The following WNK2 variants were observed in gnomAD, a reference collection of about 807,000 sequenced individuals.
WNK2 encodes the protein WNK lysine deficient protein kinase 2.
A neutral mutation model predicts 192.1 loss-of-function variants in WNK2; 67 were observed. That is an observed-to-expected ratio of 0.35 (90% CI 0.29 to 0.43). WNK2 has a LOEUF of 0.43. Among genes scored for constraint, WNK2 ranks in the 20% least tolerant of loss-of-function variants. The probability of loss-of-function intolerance (pLI) is 1.00; values close to 1 mark genes in which losing one functional copy is unlikely to be tolerated. For synonymous variants in WNK2, 1,439 were observed against 1,393.9 expected (o/e 1.03, Z -0.72); for missense variants, 2,698 against 3,089.7 (o/e 0.87, Z 3.01).
intron 2 of WNK2, among the ~76,000 whole-genome samples, chr9:93,199,772 A>G (rs549940857): frequency 6.6e-6 from 1 of 152,058 alleles, no homozygotes; most frequent in African/African-American, 2.4e-5. Flanking sequence ...GGTGGCAAGC[A>G]CCTGTAGTCC....
intron 7 of WNK2, among the ~76,000 whole-genome samples, chr9:93,240,293 C>T (rs566560139): frequency 6.6e-6 from 1 of 152,302 alleles, no homozygotes; most frequent in South Asian, 2.1e-4. Context: ...TCTGACTTGT[C>T]AGAAAGGCCT....
At chr9:93,193,503 C>T (rs1830706323) in intron 2 of WNK2, among the ~76,000 whole-genome samples, 1 of 152,232 alleles carries the variant, frequency 6.6e-6, no homozygotes, top group African/African-American at 2.4e-5. Flanking sequence ...CTGCCTGTCT[C>T]CCCGCCCGGG....
chr9:93,275,060 TA>T (rs370798228), intron 19 of WNK2, among the ~76,000 whole-genome samples: 3 of 152,138 alleles, frequency 2.0e-5, no homozygotes, highest in Admixed American at 6.5e-5. Flanking sequence ...AGCACTATAT[TA>T]AAAGGACAGT....
At position 93,289,372 on chromosome 9, in the gene WNK2, C is replaced by T; in HGVS notation, c.4618C>T (p.Pro1540Ser). Residue 1540 changes from proline (P) to serine (S), a missense_variant, in exon 20 of 30, where the codon CCC (proline) becomes TCC (serine). Pro to Ser is a moderately conservative substitution (Grantham distance 74, BLOSUM62 -1). This residue lies in a region of WNK2 where 1,098 missense variants were observed against 1,101.0 expected (regional missense o/e 1.00). Coordinates refer to ENST00000427277, the MANE Select transcript of WNK2 (RefSeq NM_006648.4). ...ALESDGEGPP[P>S]RVGFVDSTIK... The stretch of plus-strand genomic sequence containing the variant: ...GGAGTCGGATGGGGAAGGGCCGCCC[C>T]CCAGGGTGGGCTTTGTGGACAGCAC... The T allele has an allele frequency of 6.2e-7, 1 of 1,612,174 alleles. No homozygotes were observed. The highest frequency in any genetic ancestry group is 8.5e-7 in the Non-Finnish European group (1 of 1,179,464).
At chr9:93,228,790 T>C (rs561952618) in intron 2 of WNK2, among the ~76,000 whole-genome samples, 2 of 152,106 alleles carry the variant, frequency 1.3e-5, no homozygotes, top group Admixed American at 6.5e-5. Context: ...ATTGAAGTAT[T>C]TGGGGGAAGG....
chr9:93,294,534 T>C (rs1306511521), intron 23 of WNK2, among the ~76,000 whole-genome samples: 5 of 152,046 alleles, frequency 3.3e-5, no homozygotes, highest in Non-Finnish European at 7.4e-5. Context: ...GAGCCAGTGG[T>C]CAGGGTCAGC....
Position 93,261,819 on chromosome 9 carries a change from G to T in WNK2, c.3072G>T (p.Leu1024=). Residue 1024 remains leucine (L), a synonymous_variant, in exon 13 of 30, where the codon CTG becomes CTT. Transcript: ENST00000427277. ...CTTGTCCCCTGTGCCCCCAGATTCTGCTTGGCCACCCAGCTCCCTATGCTG... is the reference window on the plus strand; with the variant it reads ...CTTGTCCCCTGTGCCCCCAGATTCTTCTTGGCCACCCAGCTCCCTATGCTG... ...APAATPGSQI[L]LGHPAPYAVD... is the part of the protein sequence containing the mutation. The T allele has an allele frequency of 6.3e-7, 1 of 1,586,716 alleles. No individual in the cohort carries two copies. Among genetic ancestry groups the T allele is most frequent in the Non-Finnish European group, 8.5e-7 (1 of 1,170,014 alleles).
At position 93,257,687 on chromosome 9, in the gene WNK2, C is replaced by T. The variant is rs1481445110; in HGVS notation, c.2382+548C>T. 6.6e-6 allele frequency among the ~76,000 whole-genome samples: 1 copy of T among 152,216 alleles called. No individual in the cohort carries two copies. The highest frequency in any genetic ancestry group is 2.4e-5 in the African/African-American group (1 of 41,452). ...TTCTTCCTGTGGAGCTCCTCCAGGG[C>T]CGTGTGGCATGTGGCTCCTCGGAGT... On this transcript the variant is annotated intron_variant, in intron 11 of 29. Coordinates refer to ENST00000427277, the MANE Select transcript of WNK2 (RefSeq NM_006648.4). The surrounding 1 kb of genome is among the most constrained non-coding windows in gnomAD (Gnocchi z 4.7).
rs375787610 is a variant in WNK2, at chr9:93,257,006, T to C, written c.2249T>C (p.Val750Ala). 1.4e-5 allele frequency: 23 copies of C among 1,599,848 alleles called. No individual in the cohort carries two copies. Among genetic ancestry groups the C allele is most frequent in the Non-Finnish European group, 2.0e-5 (23 of 1,176,712 alleles). The part of the protein sequence containing the change: ...LPQVLAPQPV[V>A]PLQPVPPHLP... ...CAGGTCCTGGCCCCACAGCCCGTGG[T>C]CCCCCTCCAGCCGGTTCCCCCCCAC... The change falls in exon 11 of 30, where the codon GTC becomes GCC. Residue 750 changes from valine to alanine, a missense_variant. Physicochemically the swap from Val to Ala is moderately conservative, Grantham distance 64 (BLOSUM62 0). This residue lies in a region of WNK2 where 893 missense variants were observed against 909.0 expected (regional missense o/e 0.98). Coordinates refer to ENST00000427277, the MANE Select transcript of WNK2 (RefSeq NM_006648.4). This position sits in a 1 kb window ranked among gnomAD's most constrained non-coding sequence, Gnocchi z 4.7.
At chr9:93,275,446 T>A (rs1846692451) in intron 19 of WNK2, among the ~76,000 whole-genome samples, 1 of 152,094 alleles carries the variant, frequency 6.6e-6, no homozygotes, top group African/African-American at 2.4e-5. Context: ...AGGGTACTTC[T>A]TCAGTCTGAT....
Position 93,256,342 on chromosome 9 carries a change from CG to C in WNK2, c.2079del (p.Ser694ProfsTer11). Reference sequence around the variant, plus strand: ...TCTGTCCCGGCCCCCGCCTGCCCTCCGTCCCTCCAGCAGCACTTCCCGGATC... The same window carrying C: ...TCTGTCCCGGCCCCCGCCTGCCCTCCTCCCTCCAGCAGCACTTCCCGGATC... Reference protein sequence around the residue: ...VGSVPAPACPPSLQQHFPDPA... With the variant: ...VGSVPAPACPXSLQQHFPDPA... On this transcript the variant is annotated frameshift_variant, in exon 10 of 30. Coordinates refer to ENST00000427277, the MANE Select transcript of WNK2 (RefSeq NM_006648.4). LOFTEE classifies it high-confidence loss of function. The C allele has an allele frequency of 6.3e-7, 1 of 1,584,458 alleles. No homozygotes were observed.
intron 2 of WNK2, among the ~76,000 whole-genome samples, chr9:93,213,229 G>A (rs1835107951): frequency 1.3e-5 from 2 of 152,212 alleles, no homozygotes; most frequent in Admixed American, 1.3e-4. Flanking sequence ...AAGCTGGACA[G>A]TTGAGGAGGG....
Position 93,247,860 on chromosome 9 carries a change from A to G in WNK2, c.1834+26A>G. 1 of 1,531,024 alleles carries G rather than the reference A, an allele frequency of 6.5e-7. No homozygotes were observed. 94.8% of individuals were successfully genotyped at this position (1,531,024 alleles called of 1,614,324 possible). A position where few individuals can be genotyped will look rare whatever the true frequency, so the allele number is the denominator to read the frequency against. On this transcript the variant is annotated intron_variant, in intron 8 of 29. Transcript: ENST00000427277. This position sits in a 1 kb window ranked among gnomAD's most constrained non-coding sequence, Gnocchi z 5.2. Reference sequence around the variant, plus strand: ...GTGAGTGCTCAGGGGTGGGATGGCCATGGGCACCCCTCCCACCTACCCTGC... The same window carrying G: ...GTGAGTGCTCAGGGGTGGGATGGCCGTGGGCACCCCTCCCACCTACCCTGC...
At position 93,185,550 on chromosome 9, in the gene WNK2, G is replaced by A; in HGVS notation, c.621G>A (p.Lys207=). 6.2e-7 allele frequency: 1 copy of A among 1,613,104 alleles called. No homozygotes were observed. Among genetic ancestry groups the A allele is most frequent in the East Asian group, 2.2e-5 (1 of 44,850 alleles). ...FDIELGRGSF[K]TVYKGLDTET... ...TCGAGCTGGGCCGCGGTTCCTTCAA[G>A]ACGGTCTACAAGGGGCTGGACACGG... Residue 207 remains lysine, a synonymous_variant, in exon 2 of 30, where the codon AAG becomes AAA. Transcript: ENST00000427277.
intron 12 of WNK2, among the ~76,000 whole-genome samples, chr9:93,261,107 C>T (rs140764259): frequency 1.6e-3 from 239 of 152,248 alleles, no homozygotes; most frequent in Middle Eastern, 6.8e-3. Context: ...GAAGTGGTTA[C>T]CTGCTAGGCT....
intron 29 of WNK2, chr9:93,318,321 G>C: frequency 6.5e-7 from 1 of 1,547,938 alleles, no homozygotes. Context: ...CATTGAATTA[G>C]CTACCTTAAG....
rs532754747 is a variant in WNK2 at position 93,274,360 on chromosome 9, A to T, written c.4033+5614A>T. 9.9e-5 allele frequency among the ~76,000 whole-genome samples: 15 copies of T among 152,172 alleles called. No homozygotes were observed. In the South Asian group the frequency reaches 3.1e-3, roughly 32 times the overall value. On this transcript the variant is annotated intron_variant, in intron 19 of 29. Coordinates refer to ENST00000427277, the MANE Select transcript of WNK2 (RefSeq NM_006648.4). Reference sequence around the variant, plus strand: ...ACCCCGTCTCTACTAAAAGTACAAAAAATTAGCTGGGCATGGTGGCGGGTG... The same window carrying T: ...ACCCCGTCTCTACTAAAAGTACAAATAATTAGCTGGGCATGGTGGCGGGTG...
chr9:93,302,251 G>A (rs1394435205), intron 26 of WNK2, among the ~76,000 whole-genome samples: 1 of 152,242 alleles, frequency 6.6e-6, no homozygotes, highest in Non-Finnish European at 1.5e-5. Flanking sequence ...GACTTGGGCG[G>A]AAGCTGTGGG....
chr9:93,250,808 G>A (rs1204139643), intron 8 of WNK2, among the ~76,000 whole-genome samples: 1 of 124,300 alleles, frequency 8.0e-6, no homozygotes, highest in African/African-American at 3.3e-5. Context: ...TTTTTGAGAC[G>A]GAGTCTCGCT....
Sources: gnomAD v4.1 joint callset for allele counts (sites outside exome capture counted in the v4.1 genomes callset) on GRCh38, gnomAD v4.1.1 for gene constraint, gnomAD v4.1.1 regional missense constraint, Gnocchi (gnomAD v3.1) non-coding constraint, MANE v1.5 for transcripts, NCBI Gene and HGNC (gene_info 2026-07-23, HGNC 2026-07-21) for gene names.